PNPT1: variants seen among roughly 807,000 people sequenced by gnomAD.
PNPT1 encodes the protein polyribonucleotide nucleotidyltransferase 1, mitochondrial.
A neutral mutation model predicts 119.5 loss-of-function variants in PNPT1; 53 were observed. The ratio of observed to expected loss-of-function variants is 0.44; its 90% CI spans 0.36 to 0.56. PNPT1 has a LOEUF of 0.56. Among genes scored for constraint, PNPT1 ranks in the 20% least tolerant of loss-of-function variants. The probability of loss-of-function intolerance (pLI) is 0.00; values close to 1 mark genes in which losing one functional copy is unlikely to be tolerated. For synonymous variants in PNPT1, 357 were observed against 322.1 expected, an observed-to-expected ratio of 1.11 and a Z score of -1.16; for missense variants, 948 against 938.5, an observed-to-expected ratio of 1.01 and a Z score of -0.13.
At chr2:55,646,718 C>T (rs1160006228) in intron 19 of PNPT1, among the ~76,000 whole-genome samples, 2 of 152,040 alleles carry the variant, frequency 1.3e-5, no homozygotes, top group Non-Finnish European at 2.9e-5. Flanking sequence ...CTCATAAATG[C>T]CTGAGAATGA....
rs750331676 is a variant in PNPT1 at position 55,693,795 on chromosome 2, C to T, written c.29G>A (p.Cys10Tyr). 56 of 1,613,844 alleles carry T rather than the reference C, an allele frequency of 3.5e-5. No individual in the cohort carries two copies. The highest frequency in any genetic ancestry group is 3.3e-4 in the Middle Eastern group (2 of 6,080). The change falls in exon 1 of 28, where the codon TGC becomes TAC. Residue 10 changes from cysteine to tyrosine, a missense_variant. Cys to Tyr is a radical substitution (Grantham distance 194). Coordinates refer to ENST00000447944, the MANE Select transcript of PNPT1 (RefSeq NM_033109.5). ...ATCGCTCAGGGGCCGGAGCCGGAGG[C>T]ACGAGCAGCAGTACCTGCAGGCCGC... MAACRYCCS[C>Y]LRLRPLSDGP...
In PNPT1 at chr2:55,667,083, G is replaced by A. The variant is rs151216278; in HGVS notation, c.1084C>T (p.Arg362Trp). The A allele has an allele frequency of 9.3e-6, 15 of 1,610,824 alleles. No homozygotes were observed. Among genetic ancestry groups the A allele is most frequent in the Non-Finnish European group, 1.3e-5 (15 of 1,178,108 alleles). ...VLNEYKRCDG[R>W]DLTSLRNVSC... ...ACATTCCTAAGTGAAGTCAAATCCC[G>A]ACCATCGCACCTATAGTGATATAGG... Residue 362 changes from arginine (R) to tryptophan (W), a missense_variant, in exon 13 of 28, where the codon CGG (arginine) becomes TGG (tryptophan). Arg to Trp is a moderately radical substitution (Grantham distance 101, BLOSUM62 -3). Coordinates refer to ENST00000447944, the MANE Select transcript of PNPT1 (RefSeq NM_033109.5).
intron 26 of PNPT1, 116 bp from the exon 27 acceptor site, chr2:55,637,715 G>T (rs773782686): frequency 1.1e-6 from 1 of 907,274 alleles, no homozygotes. Flanking sequence ...ATCAGTTAGC[G>T]GCTGGGCGCA....
chr2:55,637,409 G>A (rs900426139), intron 27 of PNPT1, 143 bp downstream of exon 27: 8 of 763,566 alleles, frequency 1.0e-5, no homozygotes, highest in Admixed American at 2.4e-5. Context: ...GTCTGTTCAA[G>A]CAATTCTAAG....
At chr2:55,693,578 G>A in intron 1 of PNPT1, 85 bp downstream of exon 1, 2 of 1,552,558 alleles carry the variant, frequency 1.3e-6, no homozygotes, top group Non-Finnish European at 1.8e-6. Flanking sequence ...TGGGATACCG[G>A]GTTTCTACCC....
chr2:55,642,344 A>T (rs186681180), intron 25 of PNPT1, among the ~76,000 whole-genome samples: 412 of 151,658 alleles, frequency 2.7e-3, no homozygotes, highest in Non-Finnish European at 4.6e-3. Context: ...CGGTGGCTCA[A>T]GCCTGTAATC....
intron 22 of PNPT1, chr2:55,644,989 T>C (rs910791040): frequency 4.0e-5 from 13 of 327,592 alleles, no homozygotes; most frequent in Non-Finnish European, 7.1e-5. Flanking sequence ...TATTCATTCA[T>C]ATATTAATGT....
At chr2:55,645,564 C>T (rs1559088385) in intron 21 of PNPT1, 132 bp from the exon 22 acceptor site, 2 of 566,150 alleles carry the variant, frequency 3.5e-6, no homozygotes, top group Admixed American at 6.9e-5. Flanking sequence ...TCCCTATTAC[C>T]TTGAAAATTC....
intron 18 of PNPT1, among the ~76,000 whole-genome samples, chr2:55,651,139 G>A (rs1263895202): frequency 5.4e-5 from 8 of 146,912 alleles, no homozygotes; most frequent in African/African-American, 1.8e-4. Flanking sequence ...CTGCCCGGCC[G>A]CCCCTACTGG....
intron 21 of PNPT1, 92 bp from the exon 22 acceptor site, chr2:55,645,524 C>A (rs1695969845): frequency 2.6e-6 from 2 of 762,202 alleles, no homozygotes; most frequent in Admixed American, 5.5e-5. Context: ...CAATCTAAAC[C>A]CTGTAGCTTA....
intron 11 of PNPT1, among the ~76,000 whole-genome samples, chr2:55,670,343 C>T (rs888181243): frequency 3.3e-5 from 5 of 152,016 alleles, no homozygotes; most frequent in African/African-American, 4.8e-5. Context: ...CCCGCCACCA[C>T]GCCCGGCTAA....
chr2:55,677,053 G>A (rs1029773821), intron 8 of PNPT1, among the ~76,000 whole-genome samples: 5 of 152,220 alleles, frequency 3.3e-5, no homozygotes. Context: ...TGAAAGCAGA[G>A]AGAGCTGGCT....
Position 55,637,664 on chromosome 2 carries a change from C to G in PNPT1, c.2149-65G>C, listed in dbSNP as rs1695716841. 5 of 1,322,670 alleles carry G rather than the reference C, an allele frequency of 3.8e-6. No homozygotes were observed. In the East Asian group the frequency reaches 1.2e-4, roughly 31 times the overall value. 81.9% of individuals were successfully genotyped at this position (1,322,670 alleles called of 1,614,324 possible). On this transcript the variant is annotated intron_variant, in intron 26 of 27. Transcript: ENST00000447944. Reference sequence around the variant, plus strand: ...ATTATGTAGTGTCCATGGAAGTACACATTTTTTCCTCAAGCTTTATTAGTT... The same window carrying G: ...ATTATGTAGTGTCCATGGAAGTACAGATTTTTTCCTCAAGCTTTATTAGTT...
At chr2:55,636,494 GT>G in intron 27 of PNPT1, 102 bp from the exon 28 acceptor site, 1 of 1,220,300 alleles carries the variant, frequency 8.2e-7, no homozygotes, top group Non-Finnish European at 1.1e-6. Context: ...GGCAATGATT[GT>G]TTTTACTTGT....
chr2:55,647,546 G>A (rs1302076576), intron 18 of PNPT1, 93 bp from the exon 19 acceptor site: 18 of 843,702 alleles, frequency 2.1e-5, no homozygotes, highest in Non-Finnish European at 2.9e-5. Context: ...TTGAGAGGGA[G>A]TCTCGGTCTG....
intron 18 of PNPT1, among the ~76,000 whole-genome samples, chr2:55,648,024 T>C (rs1696055641): frequency 6.6e-6 from 1 of 152,152 alleles, no homozygotes; most frequent in African/African-American, 2.4e-5. Context: ...AATTATCCGT[T>C]GGTTTGCTTT....
chr2:55,687,041 C>T (rs1047933240), intron 2 of PNPT1, among the ~76,000 whole-genome samples: 8 of 151,828 alleles, frequency 5.3e-5, no homozygotes, highest in Admixed American at 3.3e-4. Context: ...GGTGAAACCT[C>T]GACTCTACTA....
At chr2:55,649,599 T>C (rs1211496986) in intron 18 of PNPT1, among the ~76,000 whole-genome samples, 3 of 152,190 alleles carry the variant, frequency 2.0e-5, no homozygotes, top group African/African-American at 7.2e-5. Flanking sequence ...GTCTCTCCCA[T>C]CTCATTCCGC....
chr2:55,643,501 C>G (rs1447299387), intron 23 of PNPT1, 76 bp from the exon 24 acceptor site: 1 of 1,272,988 alleles, frequency 7.9e-7, no homozygotes, highest in Non-Finnish European at 1.1e-6. Flanking sequence ...TCCCAGCACT[C>G]TGGGGGGCTG....
Sources: allele counts gnomAD v4.1 joint callset (sites outside exome capture counted in the v4.1 genomes callset), GRCh38; gene constraint gnomAD v4.1.1; transcripts MANE v1.5; gene names NCBI Gene and HGNC (gene_info 2026-07-23, HGNC 2026-07-21).